The following PLEKHM2 variants were observed in gnomAD, a reference collection of about 807,000 sequenced individuals.
PLEKHM2 encodes pleckstrin homology and RUN domain containing M2, also known as pleckstrin homology domain-containing family M member 2.
In PLEKHM2, 77 loss-of-function variants were observed where a neutral mutation model predicts 116.3. The ratio of observed to expected loss-of-function variants is 0.66; its 90% CI spans 0.55 to 0.80. The LOEUF (loss-of-function observed/expected upper bound fraction) is 0.80. Among genes scored for constraint, PLEKHM2 ranks in the 30% least tolerant of loss-of-function variants. PLEKHM2 has a pLI of 0.00. For synonymous variants in PLEKHM2, 562 were observed against 571.0 expected (o/e 0.98, Z 0.22); for missense variants, 1,183 against 1,354.9 (o/e 0.87, Z 1.99).
At chr1:15,725,177 C>T (rs1220921565) in intron 7 of PLEKHM2, 140 bp from the exon 8 acceptor site, 1 of 633,324 alleles carries the variant, frequency 1.6e-6, no homozygotes, top group South Asian at 1.9e-5. Context: ...GTGGCTTCTA[C>T]TCGAAATGGG....
rs1557654649 is a variant in PLEKHM2 at position 15,719,458 on chromosome 1, AAAAT to A, written c.466-266_466-263del. 2.6e-5 allele frequency among the ~76,000 whole-genome samples: 4 copies of A among 151,458 alleles called. No homozygotes were observed. The highest frequency in any genetic ancestry group is 4.4e-5 in the Non-Finnish European group (3 of 68,028). On this transcript the variant is annotated intron_variant, in intron 5 of 19. Coordinates refer to ENST00000375799, the MANE Select transcript of PLEKHM2 (RefSeq NM_015164.4). The surrounding 1 kb of genome is among the most constrained non-coding windows in gnomAD (Gnocchi z 4.1). ...AGAGTGAGACTCTGTCTCAAAAAAA[AAAAT>A]AAATAAATAGAGAGAGAGAGAGATA... is the stretch of plus-strand genomic sequence containing the variant.
At chr1:15,696,824 C>T (rs1469151320) in intron 1 of PLEKHM2, among the ~76,000 whole-genome samples, 2 of 152,198 alleles carry the variant, frequency 1.3e-5, no homozygotes, top group African/African-American at 4.8e-5. Context: ...TCCCTAATGT[C>T]CTTTACTATC....
chr1:15,725,880 G>A (rs1571064202), intron 8 of PLEKHM2: 1 of 333,424 alleles, frequency 3.0e-6, no homozygotes, highest in Non-Finnish European at 5.7e-6. Context: ...TCGCTGTGTT[G>A]TGGCGGGGAG....
At chr1:15,694,980 ACTT>A (rs897243240) in intron 1 of PLEKHM2, among the ~76,000 whole-genome samples, 2 of 152,008 alleles carry the variant, frequency 1.3e-5, no homozygotes, top group African/African-American at 4.8e-5. Flanking sequence ...CTGGTCTTGA[ACTT>A]CTGACATCAA....
chr1:15,695,808 G>T (rs1640982935), intron 1 of PLEKHM2, among the ~76,000 whole-genome samples: 1 of 151,488 alleles, frequency 6.6e-6, no homozygotes, highest in African/African-American at 2.4e-5. Flanking sequence ...CTGGCCTTGG[G>T]GTTTGTTTTT....
At chr1:15,725,286 C>G (rs1030996405) in intron 7 of PLEKHM2, 31 bp from the exon 8 acceptor site, 1 of 1,503,318 alleles carries the variant, frequency 6.7e-7, no homozygotes, top group Non-Finnish European at 9.1e-7. Flanking sequence ...GGGTGCCTGA[C>G]AGGGTGTCTC....
At chr1:15,732,126 T>C (rs1431477541) in intron 17 of PLEKHM2, 78 bp downstream of exon 17, 3 of 1,381,084 alleles carry the variant, frequency 2.2e-6, no homozygotes, top group Non-Finnish European at 3.0e-6. Flanking sequence ...CCTAAACCCA[T>C]AGTCACAGAG....
intron 1 of PLEKHM2, among the ~76,000 whole-genome samples, chr1:15,712,319 A>C (rs114626802): frequency 0.01 from 1,557 of 152,302 alleles, 27 homozygotes; most frequent in African/African-American, 0.034. Context: ...GGAAAAAATT[A>C]GACTAATTAT....
chr1:15,682,650 A>C (rs764167482), upstream of PLEKHM2, among the ~76,000 whole-genome samples: 2 of 73,990 alleles, frequency 2.7e-5, no homozygotes, highest in Non-Finnish European at 5.2e-5. Context: ...AAACAAAAAA[A>C]ACAAAAAACA....
At chr1:15,681,699 G>A (rs908252930), upstream of PLEKHM2, 1 of 426,016 alleles carries the variant, frequency 2.3e-6, no homozygotes, top group African/African-American at 2.0e-5. Context: ...AAACACCTTT[G>A]GTAAGTAGGA....
chr1:15,727,662 G>A lies in PLEKHM2; in HGVS notation c.1590G>A (p.Gln530=). The A allele has an allele frequency of 1.3e-6, 2 of 1,595,140 alleles. No homozygotes were observed. The highest frequency in any genetic ancestry group is 1.7e-6 in the Non-Finnish European group (2 of 1,171,624). ...GGGAGGCTCAGGAGCTGGAGGCCCAGCTGTCCCTGGTCAGGGAGGGGCCTG... is the reference window on the plus strand; with the variant it reads ...GGGAGGCTCAGGAGCTGGAGGCCCAACTGTCCCTGGTCAGGGAGGGGCCTG... ...TTREAQELEA[Q]LSLVREGPVS... The change falls in exon 9 of 20, where the codon CAG becomes CAA. Residue 530 remains glutamine, a synonymous_variant. Coordinates refer to ENST00000375799, the MANE Select transcript of PLEKHM2 (RefSeq NM_015164.4). This position sits in a 1 kb window ranked among gnomAD's most constrained non-coding sequence, Gnocchi z 7.5.
chr1:15,727,165 C>CCAGACACTATGCTTGCCT lies in PLEKHM2; in HGVS notation c.1095_1112dup (p.Asp366_Ser371dup), dbSNP rs2068074489. 1.9e-6 allele frequency: 3 copies of CCAGACACTATGCTTGCCT among 1,602,382 alleles called. No individual in the cohort carries two copies. The highest frequency in any genetic ancestry group is 4.5e-5 in the East Asian group (2 of 44,518). On this transcript the variant is annotated inframe_insertion, in exon 9 of 20. Transcript: ENST00000375799. The surrounding 1 kb of genome is among the most constrained non-coding windows in gnomAD (Gnocchi z 7.5). ...CAGCCCAAGCCTTGGGCGGGACTCG[C>CCAGACACTATGCTTGCCT]CAGACACTATGCTTGCCTCCCCCCA...
Position 15,730,524 on chromosome 1 carries a change from C to T in PLEKHM2, c.2209-8C>T, listed in dbSNP as rs1046746966. The T allele has an allele frequency of 3.4e-5, 53 of 1,554,764 alleles. No individual in the cohort carries two copies. Among genetic ancestry groups the T allele is most frequent in the Middle Eastern group, 1.8e-4 (1 of 5,576 alleles). ...TTGCTTTGTCCCCCGTGCCCGCCCC[C>T]GCATCAGGCATCTGCTGTCACCGTG... On this transcript the variant is annotated splice_region_variant and splice_polypyrimidine_tract_variant and intron_variant, in intron 14 of 19. Coordinates refer to ENST00000375799, the MANE Select transcript of PLEKHM2 (RefSeq NM_015164.4).
intron 1 of PLEKHM2, among the ~76,000 whole-genome samples, chr1:15,714,046 A>G (rs1376516360): frequency 6.6e-6 from 1 of 151,518 alleles, no homozygotes; most frequent in African/African-American, 2.4e-5. Context: ...AGTTCAAGCA[A>G]TTCTCCTTCC....
At chr1:15,708,236 T>C (rs184662476) in intron 1 of PLEKHM2, among the ~76,000 whole-genome samples, 1 of 147,200 alleles carries the variant, frequency 6.8e-6, no homozygotes, top group Admixed American at 6.8e-5. Context: ...TTTCTTTTTT[T>C]TTATGGAGTC....
chr1:15,727,873 TTGAAGCTGGGGACACTGTGCCTC>T lies in PLEKHM2; in HGVS notation c.1760+45_1760+67del, dbSNP rs2068087483. The T allele has an allele frequency of 6.3e-6, 9 of 1,438,968 alleles. No individual in the cohort carries two copies. The South Asian group carries it at 1.1e-4, about 17-fold the overall frequency. The allele number at this position is 1,438,968 out of a possible 1,614,324, so 89.1% of individuals were successfully genotyped here. The stretch of plus-strand genomic sequence containing the variant: ...AGCTGGCATGGGACTCTCCCAGCCC[TTGAAGCTGGGGACACTGTGCCTC>T]TGACCTCCAGATAAATTAAGCACTA... On this transcript the variant is annotated intron_variant, in intron 9 of 19. Coordinates refer to ENST00000375799, the MANE Select transcript of PLEKHM2 (RefSeq NM_015164.4). This position sits in a 1 kb window ranked among gnomAD's most constrained non-coding sequence, Gnocchi z 7.5.
At chr1:15,710,017 T>C (rs958870849) in intron 1 of PLEKHM2, among the ~76,000 whole-genome samples, 2 of 151,814 alleles carry the variant, frequency 1.3e-5, no homozygotes, top group Non-Finnish European at 2.9e-5. Context: ...GAGGTCAGGA[T>C]ATCGAGACCA....
intron 1 of PLEKHM2, among the ~76,000 whole-genome samples, chr1:15,708,042 T>A (rs1641259364): frequency 6.6e-6 from 1 of 150,924 alleles, no homozygotes; most frequent in South Asian, 2.1e-4. Context: ...CCACCACTAT[T>A]CCCAGCTAAT....
At chr1:15,685,800 T>G (rs985895258) in intron 1 of PLEKHM2, among the ~76,000 whole-genome samples, 2 of 152,214 alleles carry the variant, frequency 1.3e-5, no homozygotes, top group African/African-American at 4.8e-5. Flanking sequence ...AAAACATTCC[T>G]CTAAAAGCAC....
Sources: allele counts gnomAD v4.1 joint callset (sites outside exome capture counted in the v4.1 genomes callset), GRCh38; gene constraint gnomAD v4.1.1; non-coding constraint Gnocchi (gnomAD v3.1); transcripts MANE v1.5; gene names NCBI Gene and HGNC (gene_info 2026-07-23, HGNC 2026-07-21).